The following IMMP2L variants were observed in gnomAD, a reference collection of about 807,000 sequenced individuals.
IMMP2L encodes the protein mitochondrial inner membrane protease subunit 2.
Under a neutral mutation model 19.3 loss-of-function variants are expected in IMMP2L, and 18 were observed. The observed-to-expected ratio is 0.93, with a 90% CI of 0.64 to 1.38. IMMP2L has a LOEUF of 1.38. Among genes scored for constraint, IMMP2L ranks in the 40% most tolerant of loss-of-function variants. The pLI, the probability that IMMP2L is intolerant of heterozygous loss-of-function variation, is 0.00. For synonymous variants in IMMP2L, 76 were observed against 73.0 expected (o/e 1.04, Z -0.21); for missense variants, 233 against 218.2 (o/e 1.07, Z -0.43).
chr7:110,748,221 T>A (rs529217534), intron 5 of IMMP2L, among the ~76,000 whole-genome samples: 2 of 151,998 alleles, frequency 1.3e-5, no homozygotes, highest in Non-Finnish European at 2.9e-5. Flanking sequence ...AGGAGAACTA[T>A]AAACCACTGC....
chr7:111,317,715 G>GT (rs1172279880), intron 3 of IMMP2L, among the ~76,000 whole-genome samples: 1 of 152,040 alleles, frequency 6.6e-6, no homozygotes, highest in African/African-American at 2.4e-5. Context: ...ATTTCACTTG[G>GT]TTAGTGAGGG....
chr7:110,905,163 T>C lies in IMMP2L; in HGVS notation c.306-18468A>G, dbSNP rs143537929. 1.8e-4 allele frequency among the ~76,000 whole-genome samples: 28 copies of C among 152,162 alleles called. No homozygotes were observed. In the East Asian group the frequency reaches 5.2e-3, roughly 28 times the overall value. On this transcript the variant is annotated intron_variant, in intron 4 of 5. Transcript: ENST00000405709. ...CTACAAATGATCAACCTGACCATAA[T>C]ATGTAAAAAATAACAAGTTTTTGGG...
intron 3 of IMMP2L, among the ~76,000 whole-genome samples, chr7:111,070,787 C>T (rs1220164813): frequency 6.6e-6 from 1 of 152,098 alleles, no homozygotes; most frequent in African/African-American, 2.4e-5. Flanking sequence ...CTTTAAAATA[C>T]AACAAACCTA....
chr7:110,713,295 TC>T (rs1394507146), intron 5 of IMMP2L, among the ~76,000 whole-genome samples: 2 of 152,192 alleles, frequency 1.3e-5, no homozygotes, highest in Non-Finnish European at 2.9e-5. Context: ...AGTACCATGC[TC>T]TTTTGGTTAC....
At chr7:111,485,638 G>A (rs1585302373) in intron 3 of IMMP2L, among the ~76,000 whole-genome samples, 1 of 137,850 alleles carries the variant, frequency 7.3e-6, no homozygotes. Context: ...CAGTTCAACT[G>A]GAATAGCTAT....
intron 5 of IMMP2L, among the ~76,000 whole-genome samples, chr7:110,879,932 A>C (rs1311229499): frequency 1.3e-5 from 2 of 152,154 alleles, no homozygotes; most frequent in African/African-American, 4.8e-5. Flanking sequence ...TTAGGAAGCA[A>C]AATAATGTGA....
At chr7:111,206,410 A>G (rs947641109) in intron 3 of IMMP2L, among the ~76,000 whole-genome samples, 1 of 152,292 alleles carries the variant, frequency 6.6e-6, no homozygotes, top group East Asian at 1.9e-4. Context: ...CCCCCAAATC[A>G]GCATCTCGAA....
chr7:111,479,618 T>G (rs983571774), intron 3 of IMMP2L, among the ~76,000 whole-genome samples: 1 of 152,150 alleles, frequency 6.6e-6, no homozygotes, highest in African/African-American at 2.4e-5. Flanking sequence ...TCAAAATGCT[T>G]CTCCTCGATA....
At chr7:110,865,585 TAAAAC>T (rs1807902086) in intron 5 of IMMP2L, among the ~76,000 whole-genome samples, 3 of 151,986 alleles carry the variant, frequency 2.0e-5, no homozygotes, top group Admixed American at 2.0e-4. Context: ...ATAGATTAAA[TAAAAC>T]AAAACTTTGC....
At chr7:110,739,032 A>G (rs1283671457) in intron 5 of IMMP2L, among the ~76,000 whole-genome samples, 2 of 152,218 alleles carry the variant, frequency 1.3e-5, no homozygotes, top group East Asian at 3.8e-4. Context: ...GCCACTACCA[A>G]GCCAGCACTA....
At chr7:110,906,028 A>C (rs1245298213) in intron 4 of IMMP2L, among the ~76,000 whole-genome samples, 1 of 152,208 alleles carries the variant, frequency 6.6e-6, no homozygotes, top group Non-Finnish European at 1.5e-5. Context: ...AATGAAAAAG[A>C]TATTTGTGAC....
chr7:111,409,563 G>GT (rs1003099280), intron 3 of IMMP2L, among the ~76,000 whole-genome samples: 10 of 151,342 alleles, frequency 6.6e-5, no homozygotes, highest in African/African-American at 2.2e-4. Context: ...AAACCTGAGA[G>GT]TTTTTTTTAA....
At chr7:110,909,472 T>C (rs1051104628) in intron 4 of IMMP2L, among the ~76,000 whole-genome samples, 5 of 152,092 alleles carry the variant, frequency 3.3e-5, no homozygotes, top group Non-Finnish European at 7.4e-5. Context: ...CACCTAAAGG[T>C]ACTTGAGAAA....
At chr7:111,473,016 A>G (rs1841402182) in intron 3 of IMMP2L, among the ~76,000 whole-genome samples, 1 of 152,330 alleles carries the variant, frequency 6.6e-6, no homozygotes, top group East Asian at 1.9e-4. Context: ...ATTAAGCAAC[A>G]TGCTTAATTT....
At chr7:111,357,953 G>T (rs886484200) in intron 3 of IMMP2L, among the ~76,000 whole-genome samples, 1 of 151,732 alleles carries the variant, frequency 6.6e-6, no homozygotes, top group African/African-American at 2.4e-5. Flanking sequence ...CCCATACTCT[G>T]ATTTCTGCAA....
At chr7:110,945,251 A>T (rs10953671) in intron 4 of IMMP2L, among the ~76,000 whole-genome samples, 1 of 151,834 alleles carries the variant, frequency 6.6e-6, no homozygotes, top group African/African-American at 2.4e-5. Flanking sequence ...TTTTTTAAAA[A>T]GCAGGAATGC....
At chr7:110,853,144 A>C (rs148420848) in intron 5 of IMMP2L, among the ~76,000 whole-genome samples, 51 of 152,186 alleles carry the variant, frequency 3.4e-4, no homozygotes, top group African/African-American at 1.2e-3. Context: ...GTACACACAC[A>C]CACACAAACA....
chr7:111,557,151 A>C (rs530225477), intron 1 of IMMP2L, among the ~76,000 whole-genome samples: 4 of 152,120 alleles, frequency 2.6e-5, no homozygotes, highest in African/African-American at 9.6e-5. Context: ...ACCTTTATCT[A>C]AGCTTTCAAC....
chr7:111,129,123 A>G (rs1801601677), intron 3 of IMMP2L, among the ~76,000 whole-genome samples: 1 of 152,142 alleles, frequency 6.6e-6, no homozygotes, highest in South Asian at 2.1e-4. Flanking sequence ...AACAATAAAA[A>G]CAACTAAAAA....
Sources: allele counts gnomAD v4.1 joint callset (sites outside exome capture counted in the v4.1 genomes callset), GRCh38; gene constraint gnomAD v4.1.1; transcripts MANE v1.5; gene names NCBI Gene and HGNC (gene_info 2026-07-23, HGNC 2026-07-21).